Variants in PHACTR1 observed in about 807,000 individuals in gnomAD.
The protein encoded by PHACTR1 is RPEL repeat containing 1.
Under a neutral mutation model 69.2 loss-of-function variants are expected in PHACTR1, and 16 were observed. The ratio of observed to expected loss-of-function variants is 0.23; its 90% CI spans 0.16 to 0.35. PHACTR1 has a LOEUF of 0.35. Ranked by LOEUF, PHACTR1 falls within the 10% of genes least tolerant of loss-of-function variation. The probability of loss-of-function intolerance (pLI) is 1.00; values close to 1 mark genes in which losing one functional copy is unlikely to be tolerated. For synonymous variants in PHACTR1, 312 were observed against 284.5 expected (o/e 1.10, Z -0.97); for missense variants, 510 against 734.7 (o/e 0.69, Z 3.54).
chr6:12,773,168 C>G (rs1212555004), intron 4 of PHACTR1, among the ~76,000 whole-genome samples: 1 of 152,124 alleles, frequency 6.6e-6, no homozygotes, highest in African/African-American at 2.4e-5. Flanking sequence ...TCACATTTTT[C>G]TGAAATAAAG....
chr6:13,212,733 C>T (rs930518372), intron 8 of PHACTR1, among the ~76,000 whole-genome samples: 10 of 152,148 alleles, frequency 6.6e-5, no homozygotes, highest in East Asian at 1.9e-4. Context: ...CATTCTCGGA[C>T]GTGCCGGACA....
intron 4 of PHACTR1, among the ~76,000 whole-genome samples, chr6:12,994,256 C>A (rs1318812151): frequency 6.6e-6 from 1 of 152,076 alleles, no homozygotes; most frequent in Non-Finnish European, 1.5e-5. Flanking sequence ...TATTAGGTGA[C>A]ACAAAAGATA....
At chr6:13,225,148 C>T (rs904322825) in intron 8 of PHACTR1, among the ~76,000 whole-genome samples, 3 of 152,176 alleles carry the variant, frequency 2.0e-5, no homozygotes, top group Non-Finnish European at 2.9e-5. Context: ...GTGGATTTAT[C>T]GGGGCATTTG....
chr6:13,044,260 T>C (rs1225510398), intron 4 of PHACTR1, among the ~76,000 whole-genome samples: 1 of 152,182 alleles, frequency 6.6e-6, no homozygotes, highest in Admixed American at 6.5e-5. Flanking sequence ...TTTGACATAA[T>C]AGGATCGTTT....
chr6:12,795,734 AGTT>A (rs1412045661), intron 4 of PHACTR1, among the ~76,000 whole-genome samples: 1 of 128,350 alleles, frequency 7.8e-6, no homozygotes, highest in Non-Finnish European at 1.7e-5. Context: ...ATGGTTTTTG[AGTT>A]GTTTTTTTTT....
intron 3 of PHACTR1, among the ~76,000 whole-genome samples, chr6:12,740,755 T>C (rs1764928202): frequency 6.6e-6 from 1 of 152,094 alleles, no homozygotes; most frequent in African/African-American, 2.4e-5. Context: ...GCATGTAGTT[T>C]ATTTTTACCA....
chr6:13,063,332 T>C (rs574556120), intron 5 of PHACTR1, among the ~76,000 whole-genome samples: 1 of 152,244 alleles, frequency 6.6e-6, no homozygotes, highest in African/African-American at 2.4e-5. Context: ...CAAGCCCAAC[T>C]GAGTGGCAAG....
intron 5 of PHACTR1, among the ~76,000 whole-genome samples, chr6:13,108,431 G>A (rs1388088387): frequency 6.6e-6 from 1 of 151,992 alleles, no homozygotes; most frequent in Non-Finnish European, 1.5e-5. Flanking sequence ...TGTCATTACT[G>A]TGTCTTTGTC....
chr6:12,736,236 G>T (rs1455129079), intron 3 of PHACTR1, among the ~76,000 whole-genome samples: 1 of 152,180 alleles, frequency 6.6e-6, no homozygotes, highest in Non-Finnish European at 1.5e-5. Flanking sequence ...GGTTATTATA[G>T]TTAATGATAT....
At chr6:13,131,880 G>A (rs577560214) in intron 5 of PHACTR1, among the ~76,000 whole-genome samples, 2 of 152,278 alleles carry the variant, frequency 1.3e-5, no homozygotes, top group African/African-American at 4.8e-5. Flanking sequence ...AATGTAGAAA[G>A]GGAATTCACA....
At chr6:12,967,885 C>CT (rs1242970860) in intron 4 of PHACTR1, among the ~76,000 whole-genome samples, 6 of 152,196 alleles carry the variant, frequency 3.9e-5, no homozygotes, top group Non-Finnish European at 8.8e-5. Context: ...TCCAAGAAAG[C>CT]TTTTATGAGC....
chr6:12,959,584 T>C (rs1792421535), intron 4 of PHACTR1, among the ~76,000 whole-genome samples: 1 of 152,218 alleles, frequency 6.6e-6, no homozygotes, highest in African/African-American at 2.4e-5. Context: ...AAACACTGCT[T>C]AAATAATTAA....
At chr6:12,892,102 A>T (rs1418979435) in intron 4 of PHACTR1, among the ~76,000 whole-genome samples, 2 of 152,256 alleles carry the variant, frequency 1.3e-5, no homozygotes, top group Admixed American at 6.5e-5. Flanking sequence ...TGTGCTCCTC[A>T]TGAACTCTCA....
At chr6:12,718,668 A>T in intron 2 of PHACTR1, 31 bp from the exon 3 acceptor site, 1 of 670,964 alleles carries the variant, frequency 1.5e-6, no homozygotes, top group South Asian at 2.6e-5. Context: ...TGACGTCTAA[A>T]ATATTGTGGA....
intron 4 of PHACTR1, among the ~76,000 whole-genome samples, chr6:12,895,177 C>CTTTTTTTTTTTT (rs139510433): frequency 6.8e-5 from 6 of 88,274 alleles, no homozygotes; most frequent in Admixed American, 2.7e-4. Context: ...TTTCTTTTTT[C>CTTTTTTTTTTTT]TTTTTTTTTT....
At chr6:12,724,761 G>A (rs1762567336) in intron 3 of PHACTR1, among the ~76,000 whole-genome samples, 1 of 152,176 alleles carries the variant, frequency 6.6e-6, no homozygotes, top group Non-Finnish European at 1.5e-5. Context: ...GGACAGCAGA[G>A]ACAGAACCAG....
chr6:12,845,436 C>T (rs868325429), intron 4 of PHACTR1, among the ~76,000 whole-genome samples: 771 of 55,818 alleles, frequency 0.014, 91 homozygotes, highest in Non-Finnish European at 0.022. Flanking sequence ...CCCACCCCCC[C>T]CCCCCCCGCC....
At chr6:12,931,984 A>G (rs1234115449) in intron 4 of PHACTR1, among the ~76,000 whole-genome samples, 2 of 151,800 alleles carry the variant, frequency 1.3e-5, no homozygotes, top group African/African-American at 4.8e-5. Flanking sequence ...CTGTATCAGC[A>G]TCATCTAGTA....
chr6:12,871,399 A>T (rs1357958375), intron 4 of PHACTR1, among the ~76,000 whole-genome samples: 2 of 152,192 alleles, frequency 1.3e-5, no homozygotes, highest in East Asian at 3.8e-4. Context: ...TGATCCTAAA[A>T]GAGATGCTCA....
Sources: gnomAD v4.1 joint callset for allele counts (sites outside exome capture counted in the v4.1 genomes callset) on GRCh38, gnomAD v4.1.1 for gene constraint, MANE v1.5 for transcripts, NCBI Gene and HGNC (gene_info 2026-07-23, HGNC 2026-07-21) for gene names.